Variants in SORCS3 observed in about 807,000 individuals in gnomAD.
SORCS3 encodes the protein sortilin related VPS10 domain containing receptor 3, also known as VPS10 domain-containing receptor SorCS3.
A neutral mutation model predicts 146.3 loss-of-function variants in SORCS3; 57 were observed. The observed-to-expected ratio is 0.39, with a 90% CI of 0.31 to 0.49. The LOEUF is 0.49. SORCS3 is among the 20% of genes least tolerant of loss of function. SORCS3 has a pLI of 0.92. For missense variants in SORCS3, 1,341 were observed against 1,575.5 expected, an observed-to-expected ratio of 0.85 and a Z score of 2.52; for synonymous variants, 653 against 618.5, an observed-to-expected ratio of 1.06 and a Z score of -0.83.
At chr10:105,097,395 T>C (rs546700066) in intron 6 of SORCS3, among the ~76,000 whole-genome samples, 7 of 152,348 alleles carry the variant, frequency 4.6e-5, no homozygotes, top group South Asian at 4.1e-4. Context: ...GCTTCTGGAA[T>C]TCATCTTTCT....
chr10:104,958,700 TA>T (rs1363281292), intron 3 of SORCS3, among the ~76,000 whole-genome samples: 4 of 152,136 alleles, frequency 2.6e-5, no homozygotes, highest in African/African-American at 7.2e-5. Flanking sequence ...CACATGGCTA[TA>T]AAAAACTACC....
chr10:104,906,462 T>G (rs1446093731), intron 2 of SORCS3, among the ~76,000 whole-genome samples: 3 of 152,220 alleles, frequency 2.0e-5, no homozygotes, highest in African/African-American at 7.2e-5. Context: ...AGGCAGTTTC[T>G]CCTTCTGTGA....
At chr10:105,212,844 A>G (rs530722484) in intron 17 of SORCS3, among the ~76,000 whole-genome samples, 12 of 152,316 alleles carry the variant, frequency 7.9e-5, no homozygotes, top group Admixed American at 3.3e-4. Flanking sequence ...TCTTGTAACT[A>G]TGCATCCTGA....
At chr10:104,977,268 T>C (rs61867171) in intron 3 of SORCS3, 67 bp from the exon 4 acceptor site, 199,208 of 1,317,686 alleles carry the variant, frequency 0.15, 17,887 homozygotes, top group African/African-American at 0.37. Flanking sequence ...TTATTTATGA[T>C]TAAAGTTATT....
chr10:104,912,178 A>G (rs1181119471), intron 2 of SORCS3, among the ~76,000 whole-genome samples: 2 of 152,212 alleles, frequency 1.3e-5, no homozygotes, highest in Admixed American at 1.3e-4. Flanking sequence ...ACAGCCTTCT[A>G]AAAGTGGCTT....
At chr10:104,807,682 G>A (rs552841368) in intron 1 of SORCS3, among the ~76,000 whole-genome samples, 1 of 152,256 alleles carries the variant, frequency 6.6e-6, no homozygotes, top group African/African-American at 2.4e-5. Flanking sequence ...GCTGATTTTT[G>A]TAGTTGAACT....
intron 1 of SORCS3, among the ~76,000 whole-genome samples, chr10:104,836,420 G>C (rs1340124422): frequency 6.6e-6 from 1 of 152,142 alleles, no homozygotes; most frequent in East Asian, 1.9e-4. Flanking sequence ...GAGGAATAAA[G>C]GCATTAGTTG....
intron 3 of SORCS3, among the ~76,000 whole-genome samples, chr10:104,958,702 A>G (rs1225468685): frequency 6.6e-6 from 1 of 152,164 alleles, no homozygotes; most frequent in Non-Finnish European, 1.5e-5. Context: ...CATGGCTATA[A>G]AAAACTACCA....
At chr10:105,002,451 C>T (rs370478460) in intron 4 of SORCS3, among the ~76,000 whole-genome samples, 100 of 152,260 alleles carry the variant, frequency 6.6e-4, no homozygotes, top group African/African-American at 2.4e-3. Context: ...ACATGAAATG[C>T]CTACCCTGCA....
intron 2 of SORCS3, among the ~76,000 whole-genome samples, chr10:104,884,329 T>G (rs2133577952): frequency 6.6e-6 from 1 of 152,304 alleles, no homozygotes; most frequent in South Asian, 2.1e-4. Context: ...CATTGCTGGC[T>G]TACCCTGGAG....
chr10:104,831,260 A>G (rs978436491), intron 1 of SORCS3, among the ~76,000 whole-genome samples: 16 of 152,218 alleles, frequency 1.1e-4, no homozygotes, highest in East Asian at 1.9e-4. Context: ...TCCTGTGTGG[A>G]TATCTTATAA....
chr10:104,832,440 G>A (rs4331018), intron 1 of SORCS3, among the ~76,000 whole-genome samples: 2,661 of 152,162 alleles, frequency 0.017, 93 homozygotes, highest in African/African-American at 0.058. Context: ...AGGTGTGACC[G>A]GGCACAGTGG....
intron 9 of SORCS3, among the ~76,000 whole-genome samples, chr10:105,150,859 GA>G (rs2056163325): frequency 6.6e-6 from 1 of 152,230 alleles, no homozygotes; most frequent in African/African-American, 2.4e-5. Flanking sequence ...TTCTTTACTG[GA>G]AATTCTCACA....
chr10:105,196,286 T>C (rs2056543671), intron 14 of SORCS3, among the ~76,000 whole-genome samples: 1 of 152,200 alleles, frequency 6.6e-6, no homozygotes, highest in South Asian at 2.1e-4. Flanking sequence ...TTGTTCCTGT[T>C]GTTAGAACCT....
At chr10:104,650,350 G>A (rs1589446692) in intron 1 of SORCS3, among the ~76,000 whole-genome samples, 2 of 152,316 alleles carry the variant, frequency 1.3e-5, no homozygotes, top group South Asian at 4.1e-4. Context: ...GAATTGTTCC[G>A]AAGGAGGGAA....
intron 3 of SORCS3, among the ~76,000 whole-genome samples, chr10:104,917,933 A>G (rs902067587): frequency 2.6e-5 from 4 of 152,228 alleles, no homozygotes; most frequent in African/African-American, 9.7e-5. Context: ...GTAGTGCTGC[A>G]ATAAACATGA....
intron 14 of SORCS3, among the ~76,000 whole-genome samples, chr10:105,197,110 C>G (rs574899201): frequency 7.2e-5 from 11 of 152,156 alleles, no homozygotes; most frequent in African/African-American, 2.6e-4. Context: ...TAGAGCCCAC[C>G]CTGATAATCC....
At chr10:104,656,228 A>T (rs974602446) in intron 1 of SORCS3, among the ~76,000 whole-genome samples, 3 of 152,054 alleles carry the variant, frequency 2.0e-5, no homozygotes, top group African/African-American at 7.2e-5. Flanking sequence ...TGTGGCAGGG[A>T]GGAGCAAGGT....
At chr10:104,838,313 C>T (rs575311557) in intron 1 of SORCS3, among the ~76,000 whole-genome samples, 137 of 152,172 alleles carry the variant, frequency 9.0e-4, no homozygotes, top group Middle Eastern at 6.8e-3. Flanking sequence ...CCTAACAGCC[C>T]CGAGCTTGTT....
Sources: allele counts gnomAD v4.1 joint callset (sites outside exome capture counted in the v4.1 genomes callset), GRCh38; gene constraint gnomAD v4.1.1; transcripts MANE v1.5; gene names NCBI Gene and HGNC (gene_info 2026-07-23, HGNC 2026-07-21).